The following SOX6 variants were observed in gnomAD, a reference collection of about 807,000 sequenced individuals.
SOX6 encodes the protein SRY-box transcription factor 6, also known as transcription factor SOX-6.
SOX6 carries 11 observed loss-of-function variants against 97.8 expected under a neutral mutation model. The ratio of observed to expected loss-of-function variants is 0.11; its 90% CI spans 0.07 to 0.19. The LOEUF (loss-of-function observed/expected upper bound fraction) is 0.19. Ranked by LOEUF, SOX6 falls within the 10% of genes least tolerant of loss-of-function variation. The pLI is 1.00. For missense variants in SOX6, 810 were observed against 1,039.5 expected, an observed-to-expected ratio of 0.78 and a Z score of 3.04; for synonymous variants, 360 against 371.4, an observed-to-expected ratio of 0.97 and a Z score of 0.35.
At chr11:16,706,857 CA>C (rs1335845377) in intron 3 of SOX6, among the ~76,000 whole-genome samples, 1 of 151,838 alleles carries the variant, frequency 6.6e-6, no homozygotes, top group Non-Finnish European at 1.5e-5. Context: ...TTATTCTAGG[CA>C]AAAATTCTCC....
rs1012673033 is a variant in SOX6, at chr11:16,605,423, C to T, written n.609+6658G>A. 4.6e-5 allele frequency among the ~76,000 whole-genome samples: 7 copies of T among 151,888 alleles called. No individual in the cohort carries two copies. Among genetic ancestry groups the T allele is most frequent in the African/African-American group, 1.7e-4 (7 of 41,368 alleles). ...TTGGATTTCGGATGGGCTTGGAATTCGGTTTGTTTATTCCTGAAAAGATCA... is the reference window on the plus strand; with the variant it reads ...TTGGATTTCGGATGGGCTTGGAATTTGGTTTGTTTATTCCTGAAAAGATCA... On this transcript the variant is annotated intron_variant and non_coding_transcript_variant, in intron 4 of 5. Transcript: ENST00000524520. The surrounding 1 kb of genome is among the most constrained non-coding windows in gnomAD (Gnocchi z 5.3).
chr11:16,534,878 A>G (rs1178355475), intron 4 of SOX6, among the ~76,000 whole-genome samples: 2 of 152,198 alleles, frequency 1.3e-5, no homozygotes, highest in Admixed American at 1.3e-4. Context: ...CAAAGTTCCT[A>G]TCATTGGAAC....
intron 3 of SOX6, among the ~76,000 whole-genome samples, chr11:16,672,420 C>T (rs1847853831): frequency 1.3e-5 from 2 of 152,198 alleles, no homozygotes; most frequent in African/African-American, 4.8e-5. Flanking sequence ...ATACCTGAGA[C>T]TGGGCAATTT....
At chr11:16,538,437 C>A (rs543681788) in intron 4 of SOX6, among the ~76,000 whole-genome samples, 7 of 152,172 alleles carry the variant, frequency 4.6e-5, no homozygotes, top group Non-Finnish European at 1.5e-5. Flanking sequence ...AAATAACCAG[C>A]TAACATCATA....
At chr11:16,311,894 G>T (rs1855612727) in intron 3 of SOX6, 1 of 152,066 alleles carries the variant, frequency 6.6e-6, no homozygotes, top group South Asian at 2.1e-4. Flanking sequence ...AATATATGTA[G>T]AAATACAAAT....
intron 6 of SOX6, among the ~76,000 whole-genome samples, chr11:16,151,099 C>CA: frequency 6.6e-6 from 1 of 152,168 alleles, no homozygotes; most frequent in East Asian, 1.9e-4. Context: ...TTATAACATA[C>CA]AAATGGGAAA....
intron 2 of SOX6, among the ~76,000 whole-genome samples, chr11:16,337,300 T>C (rs1856492707): frequency 6.6e-6 from 1 of 152,172 alleles, no homozygotes; most frequent in Non-Finnish European, 1.5e-5. Flanking sequence ...CAAAAAATTG[T>C]ATGTAATCTG....
intron 1 of SOX6, among the ~76,000 whole-genome samples, chr11:16,461,134 G>A (rs77275847): frequency 6.6e-6 from 1 of 152,162 alleles, no homozygotes; most frequent in Non-Finnish European, 1.5e-5. Flanking sequence ...ATTTCCCTCT[G>A]ACTTTTCAAA....
intron 3 of SOX6, among the ~76,000 whole-genome samples, chr11:16,247,806 G>A (rs1853384962): frequency 6.6e-6 from 1 of 152,014 alleles, no homozygotes; most frequent in Non-Finnish European, 1.5e-5. Flanking sequence ...CAAATTTCAT[G>A]TCCTCACATT....
chr11:16,514,620 T>C (rs1352794153), intron 4 of SOX6, among the ~76,000 whole-genome samples: 1 of 151,572 alleles, frequency 6.6e-6, no homozygotes, highest in African/African-American at 2.4e-5. Context: ...TAGGTATACA[T>C]GTGCCACACT....
At chr11:16,359,437 T>A (rs114343657), upstream of SOX6, among the ~76,000 whole-genome samples, 419 of 152,110 alleles carry the variant, frequency 2.8e-3, no homozygotes, top group African/African-American at 9.7e-3. Context: ...TGGATTAACA[T>A]AGGGAGTAGT....
chr11:16,524,884 G>T (rs1326471613), intron 4 of SOX6, among the ~76,000 whole-genome samples: 1 of 152,150 alleles, frequency 6.6e-6, no homozygotes, highest in Non-Finnish European at 1.5e-5. Flanking sequence ...ATTCACAATT[G>T]CTTCAAAGAG....
intron 3 of SOX6, among the ~76,000 whole-genome samples, chr11:16,250,082 C>A (rs1047947852): frequency 6.6e-6 from 1 of 152,176 alleles, no homozygotes; most frequent in Non-Finnish European, 1.5e-5. Flanking sequence ...ACCCCTGGGC[C>A]ATGGACTGGT....
At chr11:16,328,300 G>A (rs1056081483) in intron 2 of SOX6, among the ~76,000 whole-genome samples, 1 of 152,118 alleles carries the variant, frequency 6.6e-6, no homozygotes, top group African/African-American at 2.4e-5. Context: ...TAAACCCAAT[G>A]TGTTCAGCTA....
At chr11:16,223,401 T>TAGA (rs1852599079) in intron 4 of SOX6, among the ~76,000 whole-genome samples, 3 of 152,130 alleles carry the variant, frequency 2.0e-5, no homozygotes, top group Non-Finnish European at 4.4e-5. Context: ...AAATCAGCAT[T>TAGA]CTAAGTTATA....
At chr11:16,431,684 C>A (rs1198393985) in intron 1 of SOX6, among the ~76,000 whole-genome samples, 1 of 152,018 alleles carries the variant, frequency 6.6e-6, no homozygotes, top group African/African-American at 2.4e-5. Flanking sequence ...AACTATGAAG[C>A]ATATTAATGT....
chr11:16,664,856 C>T (rs186982825), intron 3 of SOX6, among the ~76,000 whole-genome samples: 3 of 151,846 alleles, frequency 2.0e-5, no homozygotes, highest in Non-Finnish European at 4.4e-5. Flanking sequence ...TGGATACCAG[C>T]TCAGTCACAG....
intron 4 of SOX6, among the ~76,000 whole-genome samples, chr11:16,210,717 C>T (rs530539099): frequency 6.6e-6 from 1 of 152,182 alleles, no homozygotes; most frequent in African/African-American, 2.4e-5. Flanking sequence ...TTAGGCATCT[C>T]TCGCACTCAC....
intron 3 of SOX6, among the ~76,000 whole-genome samples, chr11:16,692,959 G>A (rs1253898006): frequency 6.6e-6 from 1 of 152,014 alleles, no homozygotes; most frequent in Non-Finnish European, 1.5e-5. Context: ...TCAAATACTG[G>A]CACTTTCATA....
Sources: allele counts gnomAD v4.1 joint callset (sites outside exome capture counted in the v4.1 genomes callset), GRCh38; gene constraint gnomAD v4.1.1; non-coding constraint Gnocchi (gnomAD v3.1); transcripts MANE v1.5; gene names NCBI Gene and HGNC (gene_info 2026-07-23, HGNC 2026-07-21).